Variants in NOL4 observed in about 807,000 individuals in gnomAD.
The protein encoded by NOL4 is nucleolar protein 4.
A neutral mutation model predicts 75.9 loss-of-function variants in NOL4; 17 were observed. The ratio of observed to expected loss-of-function variants is 0.22; its 90% CI spans 0.15 to 0.34. The LOEUF (loss-of-function observed/expected upper bound fraction) is 0.34, where lower values mean the gene tolerates loss of function less well. Among genes scored for constraint, NOL4 ranks in the 10% least tolerant of loss-of-function variants. The pLI is 1.00. For synonymous variants in NOL4, 292 were observed against 289.9 expected, an observed-to-expected ratio of 1.01 and a Z score of -0.07; for missense variants, 614 against 793.5, an observed-to-expected ratio of 0.77 and a Z score of 2.72.
chr18:33,996,590 C>A (rs1364858558), intron 6 of NOL4, among the ~76,000 whole-genome samples: 1 of 151,780 alleles, frequency 6.6e-6, no homozygotes, highest in Non-Finnish European at 1.5e-5. Flanking sequence ...TGGTATTTCC[C>A]AGGATCTGTT....
At chr18:33,955,810 A>G (rs1409457809) in intron 8 of NOL4, among the ~76,000 whole-genome samples, 2 of 152,136 alleles carry the variant, frequency 1.3e-5, no homozygotes, top group African/African-American at 4.8e-5. Context: ...TACAAGGGAA[A>G]AGAGTCAATT....
At chr18:33,915,768 T>C (rs2066682785) in intron 9 of NOL4, among the ~76,000 whole-genome samples, 1 of 152,166 alleles carries the variant, frequency 6.6e-6, no homozygotes, top group Admixed American at 6.6e-5. Flanking sequence ...GAAATTTCAA[T>C]AAATGATATT....
chr18:33,862,217 A>G lies in NOL4; in HGVS notation c.1724-9182T>C, dbSNP rs1461319931. ...GGTGCTGGGAAAACTGGCTAGCCAT[A>G]TGTAGAAAGCTGAAACTGGATCCCT... On this transcript the variant is annotated intron_variant, in intron 10 of 10. Coordinates refer to ENST00000261592, the MANE Select transcript of NOL4 (RefSeq NM_003787.5). 2.6e-5 allele frequency among the ~76,000 whole-genome samples: 4 copies of G among 152,158 alleles called. 1 individual carries two copies. Among genetic ancestry groups the G allele is most frequent in the African/African-American group, 4.8e-5 (2 of 41,448 alleles).
chr18:33,956,073 T>C (rs1189798925), intron 8 of NOL4, among the ~76,000 whole-genome samples: 1 of 152,120 alleles, frequency 6.6e-6, no homozygotes, highest in Non-Finnish European at 1.5e-5. Context: ...ATGTCACCTA[T>C]TGGAGATGCC....
intron 8 of NOL4, among the ~76,000 whole-genome samples, chr18:33,951,818 T>C (rs746933189): frequency 6.6e-6 from 1 of 152,172 alleles, no homozygotes; most frequent in Non-Finnish European, 1.5e-5. Context: ...TTAATTCCAC[T>C]TTCATAGAGA....
intron 10 of NOL4, among the ~76,000 whole-genome samples, chr18:33,871,212 T>C: frequency 6.6e-6 from 1 of 152,054 alleles, no homozygotes; most frequent in East Asian, 1.9e-4. Context: ...GAAAAGTTTA[T>C]GAAGAGGGAA....
intron 10 of NOL4, among the ~76,000 whole-genome samples, chr18:33,879,318 G>C (rs2064117769): frequency 6.6e-6 from 1 of 151,822 alleles, no homozygotes; most frequent in Non-Finnish European, 1.5e-5. Context: ...CTTATTCCAT[G>C]AATGTTGGCA....
chr18:34,107,959 T>G (rs998506369), intron 2 of NOL4, among the ~76,000 whole-genome samples: 9 of 152,144 alleles, frequency 5.9e-5, no homozygotes, highest in Non-Finnish European at 1.3e-4. Context: ...ACATTATATA[T>G]GTCAACTCTC....
chr18:33,873,217 T>C (rs1193845247), intron 10 of NOL4, among the ~76,000 whole-genome samples: 1 of 151,992 alleles, frequency 6.6e-6, no homozygotes, highest in African/African-American at 2.4e-5. Context: ...TCTATAAAAT[T>C]ATCTACAAAG....
chr18:34,157,046 T>C (rs2030543087), intron 1 of NOL4: 2 of 152,214 alleles, frequency 1.3e-5, no homozygotes, highest in African/African-American at 4.8e-5. Flanking sequence ...ATGTTTTTTT[T>C]CTCCAGCAAC....
intron 10 of NOL4, among the ~76,000 whole-genome samples, chr18:33,881,128 T>C (rs1383228868): frequency 6.6e-6 from 1 of 151,820 alleles, no homozygotes. Context: ...TTTGAAGCAA[T>C]TGTGAATGGG....
At chr18:33,861,988 C>T (rs2063162163) in intron 10 of NOL4, among the ~76,000 whole-genome samples, 1 of 152,140 alleles carries the variant, frequency 6.6e-6, no homozygotes, top group South Asian at 2.1e-4. Context: ...AAGAACAAAG[C>T]TGGAGGCATC....
intron 5 of NOL4, among the ~76,000 whole-genome samples, chr18:34,043,882 C>G (rs1270060650): frequency 1.3e-5 from 2 of 152,002 alleles, no homozygotes; most frequent in Non-Finnish European, 2.9e-5. Flanking sequence ...CTTTCTAATT[C>G]AAGATTAGGG....
chr18:34,089,426 A>T (rs1018362352), intron 5 of NOL4, among the ~76,000 whole-genome samples: 1 of 152,202 alleles, frequency 6.6e-6, no homozygotes, highest in Non-Finnish European at 1.5e-5. Flanking sequence ...ACAGAGTTTA[A>T]CTGCCAGTCA....
intron 1 of NOL4, among the ~76,000 whole-genome samples, chr18:34,156,453 C>T (rs970910747): frequency 1.3e-5 from 2 of 152,130 alleles, no homozygotes; most frequent in African/African-American, 4.8e-5. Flanking sequence ...TCTCTACCTT[C>T]TCCTTGTCAG....
chr18:34,137,800 A>ACACGCACG (rs2080958530), intron 1 of NOL4, among the ~76,000 whole-genome samples: 1 of 151,864 alleles, frequency 6.6e-6, no homozygotes, highest in African/African-American at 2.4e-5. Context: ...ACACACACAC[A>ACACGCACG]CACACACACG....
At chr18:33,914,254 T>C (rs2066580008) in intron 9 of NOL4, among the ~76,000 whole-genome samples, 1 of 151,492 alleles carries the variant, frequency 6.6e-6, no homozygotes, top group Non-Finnish European at 1.5e-5. Flanking sequence ...AATGCTGGGG[T>C]GGGGATAGCA....
chr18:34,028,674 C>T (rs1001183393), intron 5 of NOL4, among the ~76,000 whole-genome samples: 2 of 152,204 alleles, frequency 1.3e-5, no homozygotes, highest in African/African-American at 4.8e-5. Context: ...ATCAAAACCA[C>T]CAGTGAATTT....
chr18:34,048,557 G>A (rs937425813), intron 5 of NOL4: 2 of 985,266 alleles, frequency 2.0e-6, no homozygotes, highest in Non-Finnish European at 2.4e-6. Flanking sequence ...CCAGGGATTA[G>A]TCTGACTTCC....
Sources: gnomAD v4.1 joint callset for allele counts (sites outside exome capture counted in the v4.1 genomes callset) on GRCh38, gnomAD v4.1.1 for gene constraint, MANE v1.5 for transcripts, NCBI Gene and HGNC (gene_info 2026-07-23, HGNC 2026-07-21) for gene names.